Variants in ILDR2 observed in about 807,000 individuals in gnomAD.
ILDR2 encodes immunoglobulin like domain containing receptor 2, also known as immunoglobulin-like domain-containing receptor 2.
A neutral mutation model predicts 66.8 loss-of-function variants in ILDR2; 25 were observed. The observed-to-expected ratio is 0.37, with a 90% CI of 0.27 to 0.52. The LOEUF is 0.52. Ranked by LOEUF, ILDR2 falls within the 20% of genes least tolerant of loss-of-function variation. The pLI is 0.88. For synonymous variants in ILDR2, 367 were observed against 357.2 expected (o/e 1.03, Z -0.31); for missense variants, 827 against 876.8 (o/e 0.94, Z 0.72).
At chr1:166,957,625 T>C in intron 2 of ILDR2, 144 bp downstream of exon 2, 1 of 697,338 alleles carries the variant, frequency 1.4e-6, no homozygotes, top group East Asian at 2.7e-5. Context: ...ATAGGTCTCT[T>C]GATGCTCCCA....
Position 166,915,428 on chromosome 1 carries a change from A to G in ILDR2, c.*3927T>C, listed in dbSNP as rs1659605658. 6.6e-6 allele frequency: 1 copy of G among 152,242 alleles called. No homozygotes were observed. The highest frequency in any genetic ancestry group is 1.5e-5 in the Non-Finnish European group (1 of 68,044). The allele number at this position is 152,242 out of a possible 1,614,324, so 9.4% of individuals were successfully genotyped here. A position where few individuals can be genotyped will look rare whatever the true frequency, so the allele number is the denominator to read the frequency against. On this transcript the variant is annotated 3_prime_UTR_variant, in exon 10 of 10. Transcript: ENST00000271417. ...TGATCACAGGAGTCTCCTGGAATGC[A>G]TATTAAAAATATGAATTCTGGCTCT...
rs1557921377 is a variant in ILDR2, at chr1:166,909,781, T to TATA, written c.*9573_*9574insTAT. On this transcript the variant is annotated 3_prime_UTR_variant, in exon 10 of 10. Coordinates refer to ENST00000271417, the MANE Select transcript of ILDR2 (RefSeq NM_199351.3). Reference sequence around the variant, plus strand: ...TATAAATATATATAAATATATATATTTATATATATATATATATATATATAT... The same window carrying TATA: ...TATAAATATATATAAATATATATATTATATATATATATATATATATATATATAT... The TATA allele has an allele frequency of 0.028, 1,818 of 64,118 alleles. 101 individuals carry two copies. Among genetic ancestry groups the TATA allele is most frequent in the African/African-American group, 0.035 (509 of 14,422 alleles). 4.0% of individuals were successfully genotyped at this position (64,118 alleles called of 1,614,324 possible).
chr1:166,921,123 C>T lies in ILDR2; in HGVS notation c.1468G>A (p.Asp490Asn). The change falls in exon 9 of 10, where the codon GAT becomes AAT. Residue 490 changes from aspartate (D) to asparagine (N), a missense_variant. Asp to Asn is a conservative substitution (Grantham distance 23, BLOSUM62 1). Coordinates refer to ENST00000271417, the MANE Select transcript of ILDR2 (RefSeq NM_199351.3). The surrounding 1 kb of genome is among the most constrained non-coding windows in gnomAD (Gnocchi z 5.3). The stretch of plus-strand genomic sequence containing the variant: ...CTGAAGGCCCAGCCGCGGTCAGCAT[C>T]GGTCAGGGGCTCGCGGCTGCGGCTG... ...QRSRSREPLTDADRGWAFSPA... is the reference protein window; with the variant it reads ...QRSRSREPLTNADRGWAFSPA... 1.3e-6 allele frequency: 2 copies of T among 1,525,166 alleles called. No individual in the cohort carries two copies. Among genetic ancestry groups the T allele is most frequent in the Non-Finnish European group, 1.8e-6 (2 of 1,142,062 alleles). The allele number at this position is 1,525,166 out of a possible 1,614,324, so 94.5% of individuals were successfully genotyped here.
rs764229019 is a variant in ILDR2 at position 166,921,124 on chromosome 1, G to T, written c.1467C>A (p.Thr489=). Residue 489 remains threonine, a synonymous_variant, in exon 9 of 10, where the codon ACC becomes ACA. Transcript: ENST00000271417. This position sits in a 1 kb window ranked among gnomAD's most constrained non-coding sequence, Gnocchi z 5.3. ...TGAAGGCCCAGCCGCGGTCAGCATC[G>T]GTCAGGGGCTCGCGGCTGCGGCTGC... is the stretch of plus-strand genomic sequence containing the variant. ...GQRSRSREPL[T]DADRGWAFSP... 2 of 1,528,786 alleles carry T rather than the reference G, an allele frequency of 1.3e-6. No individual in the cohort carries two copies. The highest frequency in any genetic ancestry group is 1.2e-5 in the South Asian group (1 of 83,194). 94.7% of individuals were successfully genotyped at this position (1,528,786 alleles called of 1,614,324 possible).
intron 3 of ILDR2, among the ~76,000 whole-genome samples, chr1:166,940,182 C>T (rs1661225981): frequency 1.3e-5 from 2 of 152,136 alleles, no homozygotes; most frequent in Admixed American, 1.3e-4. Context: ...CCATATGGCA[C>T]CCACAGCTGG....
intron 1 of ILDR2, among the ~76,000 whole-genome samples, chr1:166,958,478 A>C (rs567530861): frequency 6.6e-6 from 1 of 152,066 alleles, no homozygotes; most frequent in South Asian, 2.1e-4. Flanking sequence ...CCATGTGAAG[A>C]AGGTGCTTGT....
intron 3 of ILDR2, chr1:166,943,778 C>A (rs1661456094): frequency 2.0e-6 from 2 of 976,648 alleles, no homozygotes; most frequent in Admixed American, 1.2e-4. Flanking sequence ...TTTACCAACA[C>A]TTGTGAATCG....
chr1:166,927,318 A>G (rs1660359151), intron 6 of ILDR2, 138 bp from the exon 7 acceptor site: 1 of 610,098 alleles, frequency 1.6e-6, no homozygotes, highest in African/African-American at 1.9e-5. Context: ...ATAACGATCT[A>G]TATTTATACA....
chr1:166,947,736 C>T (rs962461647), intron 3 of ILDR2, among the ~76,000 whole-genome samples: 4 of 152,076 alleles, frequency 2.6e-5, no homozygotes, highest in Non-Finnish European at 1.5e-5. Context: ...CCAGCTGCTC[C>T]GGCTCCTGCC....
intron 2 of ILDR2, among the ~76,000 whole-genome samples, chr1:166,897,827 G>A (rs1294997144): frequency 6.6e-6 from 1 of 152,168 alleles, no homozygotes; most frequent in African/African-American, 2.4e-5. Context: ...TAATAAAATT[G>A]TAATTGGAAG....
rs1210899662 is a variant in ILDR2, at chr1:166,936,787, GCAGGGTGCA to G, written c.557-59_557-51del. ...ACACTCGAGGCAGCCCACCTCCAGG[GCAGGGTGCA>G]CTTTGATTGGCATCTCCCGGTGAAA... On this transcript the variant is annotated intron_variant, in intron 4 of 9. Transcript: ENST00000271417. This position sits in a 1 kb window ranked among gnomAD's most constrained non-coding sequence, Gnocchi z 5.0. The G allele has an allele frequency of 6.3e-7, 1 of 1,591,982 alleles. No individual in the cohort carries two copies. Among genetic ancestry groups the G allele is most frequent in the Non-Finnish European group, 8.6e-7 (1 of 1,162,844 alleles).
chr1:166,940,528 A>G (rs189571856), intron 3 of ILDR2, among the ~76,000 whole-genome samples: 13 of 152,288 alleles, frequency 8.5e-5, no homozygotes, highest in Admixed American at 4.6e-4. Context: ...GTAGCACCTA[A>G]ACACGCAACT....
rs1659417499 is a variant in ILDR2, at chr1:166,909,505, A to T, written c.*9850T>A. On this transcript the variant is annotated 3_prime_UTR_variant, in exon 10 of 10. Coordinates refer to ENST00000271417, the MANE Select transcript of ILDR2 (RefSeq NM_199351.3). ...ATCTTCCTGTCATTTGCAACCAAAAATTTTTTTACTAATACAGCTGCCAAA... is the reference window on the plus strand; with the variant it reads ...ATCTTCCTGTCATTTGCAACCAAAATTTTTTTTACTAATACAGCTGCCAAA... 1 of 151,522 alleles carries T rather than the reference A, an allele frequency of 6.6e-6. No homozygotes were observed. Among genetic ancestry groups the T allele is most frequent in the African/African-American group, 2.4e-5 (1 of 41,216 alleles). 9.4% of individuals were successfully genotyped at this position (151,522 alleles called of 1,614,324 possible).
chr1:166,951,590 T>A (rs935801802), intron 3 of ILDR2, among the ~76,000 whole-genome samples: 2 of 152,204 alleles, frequency 1.3e-5, no homozygotes, highest in Non-Finnish European at 2.9e-5. Flanking sequence ...TTCTGTTTTG[T>A]TTGAAATTTT....
At chr1:166,930,829 A>G (rs1391850799) in intron 6 of ILDR2, among the ~76,000 whole-genome samples, 1 of 152,194 alleles carries the variant, frequency 6.6e-6, no homozygotes, top group Non-Finnish European at 1.5e-5. Flanking sequence ...TTGATTTGAC[A>G]GCAAATAGCA....
At chr1:166,961,933 A>G (rs1340489081) in intron 1 of ILDR2, among the ~76,000 whole-genome samples, 2 of 152,168 alleles carry the variant, frequency 1.3e-5, no homozygotes, top group Admixed American at 6.5e-5. Flanking sequence ...GTAGAGAGTA[A>G]CCCTGCACGT....
At chr1:166,956,481 T>G (rs1571187865) in intron 3 of ILDR2, among the ~76,000 whole-genome samples, 1 of 119,650 alleles carries the variant, frequency 8.4e-6, no homozygotes, top group Non-Finnish European at 1.7e-5. Flanking sequence ...GAGAAAAAAA[T>G]GAAGAAAGCA....
At position 166,921,135 on chromosome 1, in the gene ILDR2, C is replaced by T; in HGVS notation, c.1456G>A (p.Glu486Lys). ...EYYGQRSRSR[E>K]PLTDADRGWA... ...CCGCGGTCAGCATCGGTCAGGGGCT[C>T]GCGGCTGCGGCTGCGCTGACCGTAG... The change falls in exon 9 of 10, where the codon GAG (glutamate) becomes AAG (lysine). Residue 486 changes from glutamate to lysine, a missense_variant. Physicochemically the swap from Glu to Lys is moderately conservative, Grantham distance 56 (BLOSUM62 1). Coordinates refer to ENST00000271417, the MANE Select transcript of ILDR2 (RefSeq NM_199351.3). This position sits in a 1 kb window ranked among gnomAD's most constrained non-coding sequence, Gnocchi z 5.3. 6.5e-7 allele frequency: 1 copy of T among 1,530,382 alleles called. No homozygotes were observed. The highest frequency in any genetic ancestry group is 1.2e-5 in the South Asian group (1 of 83,450). 94.8% of individuals were successfully genotyped at this position (1,530,382 alleles called of 1,614,324 possible). A position where few individuals can be genotyped will look rare whatever the true frequency, so the allele number is the denominator to read the frequency against.
downstream of ILDR2, among the ~76,000 whole-genome samples, chr1:166,906,047 C>G (rs1659337606): frequency 6.6e-6 from 1 of 152,192 alleles, no homozygotes; most frequent in Non-Finnish European, 1.5e-5. Context: ...TTTGTACTGG[C>G]TGAGATGTGA....
Sources: gnomAD v4.1 joint callset for allele counts (sites outside exome capture counted in the v4.1 genomes callset) on GRCh38, gnomAD v4.1.1 for gene constraint, Gnocchi (gnomAD v3.1) non-coding constraint, MANE v1.5 for transcripts, NCBI Gene and HGNC (gene_info 2026-07-23, HGNC 2026-07-21) for gene names.